PCDHA5: variants seen among roughly 807,000 people sequenced by gnomAD.
PCDHA5 encodes the protein protocadherin alpha 5, also known as protocadherin alpha-5.
In PCDHA5, 43 loss-of-function variants were observed where a neutral mutation model predicts 61.6. That is an observed-to-expected ratio of 0.70 (90% confidence interval 0.55 to 0.90). PCDHA5 has a LOEUF of 0.90. PCDHA5 is among the 40% of genes least tolerant of loss of function. PCDHA5 has a pLI of 0.00. For synonymous variants in PCDHA5, 627 were observed against 543.9 expected, an observed-to-expected ratio of 1.15 and a Z score of -2.13; for missense variants, 1,298 against 1,222.7, an observed-to-expected ratio of 1.06 and a Z score of -0.92.
At chr5:140,839,867 G>A (rs996407179) in intron 1 of PCDHA5, among the ~76,000 whole-genome samples, 1 of 151,988 alleles carries the variant, frequency 6.6e-6, no homozygotes, top group Non-Finnish European at 1.5e-5. Flanking sequence ...GGTGGACTTT[G>A]AAAGATGAAT....
At chr5:140,852,838 C>A in intron 1 of PCDHA5, 1 of 968,954 alleles carries the variant, frequency 1.0e-6, no homozygotes, top group Non-Finnish European at 1.2e-6. Context: ...CTCCTTAGAG[C>A]TAGTACTTAC....
At chr5:140,884,390 T>C in intron 1 of PCDHA5, 7 of 1,613,968 alleles carry the variant, frequency 4.3e-6, no homozygotes, top group Middle Eastern at 1.6e-4. Context: ...CTGCGCGGTG[T>C]CCAGCCTGTT....
intron 1 of PCDHA5, chr5:140,836,717 G>A: frequency 6.2e-7 from 1 of 1,612,788 alleles, no homozygotes; most frequent in South Asian, 1.1e-5. Flanking sequence ...GCCTTCCTCA[G>A]GGTCCATCCT....
chr5:140,992,847 A>G (rs183404145), intron 3 of PCDHA5, among the ~76,000 whole-genome samples: 1 of 152,264 alleles, frequency 6.6e-6, no homozygotes, highest in East Asian at 1.9e-4. Flanking sequence ...TTGTATAACA[A>G]CCAGTTTCAC....
intron 1 of PCDHA5, chr5:140,841,357 G>T: frequency 6.2e-7 from 1 of 1,613,058 alleles, no homozygotes; most frequent in Non-Finnish European, 8.5e-7. Flanking sequence ...TGGGATCCTG[G>T]CGACTACTAC....
intron 1 of PCDHA5, chr5:140,869,717 C>A: frequency 6.2e-7 from 1 of 1,613,364 alleles, no homozygotes. Context: ...AGAGAGAAAA[C>A]TCCGGAACTT....
At chr5:140,912,767 G>A (rs1388605585) in intron 1 of PCDHA5, among the ~76,000 whole-genome samples, 2 of 152,064 alleles carry the variant, frequency 1.3e-5, no homozygotes, top group African/African-American at 4.8e-5. Context: ...TTATTACTTT[G>A]AGGTATGTCC....
At chr5:140,878,002 C>T in intron 1 of PCDHA5, 1 of 1,005,678 alleles carries the variant, frequency 9.9e-7, no homozygotes. Flanking sequence ...ATGTATTTGT[C>T]TAACATTAAT....
intron 1 of PCDHA5, among the ~76,000 whole-genome samples, chr5:140,924,969 A>C (rs781957377): frequency 5.3e-5 from 8 of 151,756 alleles, no homozygotes. Flanking sequence ...AGGTGAGTGC[A>C]GTGGCTCATG....
At chr5:140,938,885 A>C (rs966791166) in intron 1 of PCDHA5, among the ~76,000 whole-genome samples, 9 of 152,144 alleles carry the variant, frequency 5.9e-5, no homozygotes, top group Non-Finnish European at 1.2e-4. Flanking sequence ...CAACACACAC[A>C]CACACAGATG....
At chr5:140,877,497 C>G in intron 1 of PCDHA5, 1 of 1,613,848 alleles carries the variant, frequency 6.2e-7, no homozygotes, top group South Asian at 1.1e-5. Context: ...ACGGCCAGGC[C>G]CCAAAGACGT....
chr5:141,010,327 G>A lies in PCDHA5; in HGVS notation c.*390G>A. 2 of 1,539,744 alleles carry A rather than the reference G, an allele frequency of 1.3e-6. No individual in the cohort carries two copies. Among genetic ancestry groups the A allele is most frequent in the African/African-American group, 2.8e-5 (2 of 72,602 alleles). ...AAAGTTTTGAGATTGAGCAGCTTGG[G>A]AGTTTGTGGCCACTGGGTATGTGTG... On this transcript the variant is annotated 3_prime_UTR_variant, in exon 4 of 4. Transcript: ENST00000529859.
intron 1 of PCDHA5, chr5:140,865,192 A>C (rs1306002523): frequency 3.9e-5 from 6 of 152,218 alleles, no homozygotes; most frequent in Non-Finnish European, 8.8e-5. Flanking sequence ...CCTTCACACC[A>C]TATTAATGTG....
At chr5:140,857,106 C>A (rs2044362842) in intron 1 of PCDHA5, 2 of 1,597,856 alleles carry the variant, frequency 1.3e-6, no homozygotes, top group African/African-American at 2.7e-5. Context: ...ATTGTCACTT[C>A]TCTGTCTCTC....
intron 1 of PCDHA5, among the ~76,000 whole-genome samples, chr5:140,916,773 A>G (rs1584011849): frequency 6.6e-6 from 1 of 151,502 alleles, no homozygotes; most frequent in South Asian, 2.1e-4. Context: ...TGGCACAAGC[A>G]CTCCCTTAGC....
At chr5:140,936,244 T>C (rs879962489) in intron 1 of PCDHA5, among the ~76,000 whole-genome samples, 13 of 152,192 alleles carry the variant, frequency 8.5e-5, no homozygotes, top group Non-Finnish European at 1.6e-4. Context: ...AGAAAACATA[T>C]CCTGCTTCAA....
At chr5:140,828,389 G>A (rs1769730233) in intron 1 of PCDHA5, 1 of 1,614,162 alleles carries the variant, frequency 6.2e-7, no homozygotes, top group Admixed American at 1.7e-5. Context: ...CGGGCGGAGC[G>A]CGGAGTGCAG....
At chr5:140,947,106 C>T (rs1172898991) in intron 1 of PCDHA5, among the ~76,000 whole-genome samples, 2 of 151,140 alleles carry the variant, frequency 1.3e-5, no homozygotes, top group Non-Finnish European at 3.0e-5. Context: ...TAAATAGGTA[C>T]GTGTCAATTA....
At chr5:140,888,705 A>G (rs2061950008) in intron 1 of PCDHA5, among the ~76,000 whole-genome samples, 1 of 152,082 alleles carries the variant, frequency 6.6e-6, no homozygotes, top group South Asian at 2.1e-4. Context: ...ATTGGTAGGA[A>G]TGTGAAATAT....
Sources: gnomAD v4.1 joint callset for allele counts (sites outside exome capture counted in the v4.1 genomes callset) on GRCh38, gnomAD v4.1.1 for gene constraint, MANE v1.5 for transcripts, NCBI Gene and HGNC (gene_info 2026-07-23, HGNC 2026-07-21) for gene names.